STARD13: variants seen among roughly 807,000 people sequenced by gnomAD.
STARD13 encodes the protein StAR related lipid transfer domain containing 13, also known as stAR-related lipid transfer protein 13.
A neutral mutation model predicts 106.4 loss-of-function variants in STARD13; 62 were observed. That is an observed-to-expected ratio of 0.58 (90% CI 0.48 to 0.72). The LOEUF is 0.72. Ranked by LOEUF, STARD13 falls within the 30% of genes least tolerant of loss-of-function variation. STARD13 has a pLI of 0.00. For missense variants in STARD13, 1,387 were observed against 1,424.0 expected (o/e 0.97, Z 0.42); for synonymous variants, 565 against 553.0 (o/e 1.02, Z -0.31).
chr13:33,495,410 G>C, the STARD13 span, among the ~76,000 whole-genome samples: 1 of 152,092 alleles, frequency 6.6e-6, no homozygotes, highest in Non-Finnish European at 1.5e-5. Flanking sequence ...CTCTATACAT[G>C]GTACTATTCG....
chr13:33,403,885 C>T, the STARD13 span, among the ~76,000 whole-genome samples: 1 of 152,154 alleles, frequency 6.6e-6, no homozygotes, highest in African/African-American at 2.4e-5. Flanking sequence ...AAATCAATTG[C>T]AGTTCAGCAG....
the STARD13 span, among the ~76,000 whole-genome samples, chr13:33,603,807 G>A: frequency 6.6e-6 from 1 of 152,114 alleles, no homozygotes; most frequent in African/African-American, 2.4e-5. Flanking sequence ...AGACCTGTGT[G>A]TGCTGTGTGA....
chr13:33,669,526 T>A, the STARD13 span, among the ~76,000 whole-genome samples: 5 of 146,968 alleles, frequency 3.4e-5, no homozygotes, highest in Non-Finnish European at 7.4e-5. Context: ...AAGAAGAGGA[T>A]GTTCTTTTTT....
chr13:33,122,831 G>T (rs555151988), intron 7 of STARD13, among the ~76,000 whole-genome samples: 1 of 152,020 alleles, frequency 6.6e-6, no homozygotes, highest in Non-Finnish European at 1.5e-5. Context: ...GAGGCGGGTG[G>T]ATCACCTGAG....
intron 4 of STARD13, among the ~76,000 whole-genome samples, chr13:33,133,493 C>T (rs1878612123): frequency 6.6e-6 from 1 of 152,118 alleles, no homozygotes; most frequent in African/African-American, 2.4e-5. Context: ...TCTTTGGCAC[C>T]CTGTGCCTAC....
upstream of STARD13, among the ~76,000 whole-genome samples, chr13:33,286,952 T>C (rs2138420739): frequency 6.6e-6 from 1 of 152,204 alleles, no homozygotes; most frequent in Middle Eastern, 3.4e-3. Flanking sequence ...GTATATGTCA[T>C]TATAATTTTC....
chr13:33,557,762 C>T, the STARD13 span, among the ~76,000 whole-genome samples: 3 of 152,076 alleles, frequency 2.0e-5, no homozygotes, highest in African/African-American at 7.2e-5. Context: ...ATTTAGTAAG[C>T]CAAGGTATAA....
At chr13:33,198,897 A>G (rs1051891812) in intron 1 of STARD13, among the ~76,000 whole-genome samples, 2 of 152,234 alleles carry the variant, frequency 1.3e-5, no homozygotes, top group Non-Finnish European at 1.5e-5. Flanking sequence ...ATAATTTGTC[A>G]GTAACTACAT....
the STARD13 span, among the ~76,000 whole-genome samples, chr13:33,636,123 G>A: frequency 7.4e-6 from 1 of 135,520 alleles, no homozygotes; most frequent in South Asian, 2.4e-4. Context: ...CTGGGTGACA[G>A]AGCGAGACTC....
chr13:33,503,114 G>C, the STARD13 span, among the ~76,000 whole-genome samples: 2 of 152,122 alleles, frequency 1.3e-5, no homozygotes, highest in Non-Finnish European at 2.9e-5. Context: ...GCTTAGGAGG[G>C]TGTATGTGTC....
At chr13:33,397,948 G>T in the STARD13 span, among the ~76,000 whole-genome samples, 1 of 152,176 alleles carries the variant, frequency 6.6e-6, no homozygotes, top group East Asian at 1.9e-4. Context: ...CGACCCAAAG[G>T]TCGTATCTCC....
intron 1 of STARD13, among the ~76,000 whole-genome samples, chr13:33,341,532 A>T (rs2077960412): frequency 6.6e-6 from 1 of 150,874 alleles, no homozygotes; most frequent in African/African-American, 2.4e-5. Flanking sequence ...TGGAGGTTGC[A>T]GTGAGTCAAG....
At chr13:33,252,932 G>A (rs374674923) in intron 1 of STARD13, among the ~76,000 whole-genome samples, 7 of 152,288 alleles carry the variant, frequency 4.6e-5, no homozygotes, top group South Asian at 4.1e-4. Flanking sequence ...CCCACCAAGC[G>A]AGCTTCCCTA....
At chr13:33,315,706 C>G (rs568940812) in intron 1 of STARD13, among the ~76,000 whole-genome samples, 1 of 152,184 alleles carries the variant, frequency 6.6e-6, no homozygotes, top group South Asian at 2.1e-4. Flanking sequence ...GTTTAACTAC[C>G]TTTTAATTTT....
chr13:33,345,686 G>A (rs537275438), downstream of STARD13, among the ~76,000 whole-genome samples: 9 of 152,252 alleles, frequency 5.9e-5, no homozygotes, highest in East Asian at 1.5e-3. Context: ...AGCCCAATAA[G>A]AGCTCCCAAT....
At chr13:33,633,281 C>A in the STARD13 span, among the ~76,000 whole-genome samples, 1 of 152,126 alleles carries the variant, frequency 6.6e-6, no homozygotes, top group African/African-American at 2.4e-5. Context: ...TTTTATGGTA[C>A]ATAAATGGAA....
the STARD13 span, among the ~76,000 whole-genome samples, chr13:33,477,053 G>A: frequency 6.6e-6 from 1 of 152,134 alleles, no homozygotes; most frequent in Admixed American, 6.5e-5. Flanking sequence ...AATTAGTTCA[G>A]GTATTCCAAA....
chr13:33,199,862 G>A (rs141768606), intron 1 of STARD13, among the ~76,000 whole-genome samples: 2 of 152,332 alleles, frequency 1.3e-5, no homozygotes, highest in East Asian at 3.9e-4. Flanking sequence ...TATATGGCCA[G>A]TCATTGGCCG....
chr13:33,111,780 C>T lies in STARD13; in HGVS notation c.2605G>A (p.Glu869Lys), dbSNP rs1272980439. Residue 869 changes from glutamate to lysine, a missense_variant and splice_region_variant, in exon 10 of 14, where the codon GAG becomes AAG. Physicochemically the swap from Glu to Lys is moderately conservative, Grantham distance 56. Transcript: ENST00000336934. The part of the protein sequence containing the change: ...HMIMECDRLF[E>K]VPHELVAQSR... Reference sequence around the variant, plus strand: ...GGAGGTTCGAGCCTTTTGCTCACCTCAAAAAGTCTGTCGCATTCCATGATC... The same window carrying T: ...GGAGGTTCGAGCCTTTTGCTCACCTTAAAAAGTCTGTCGCATTCCATGATC... 6.2e-7 allele frequency: 1 copy of T among 1,612,524 alleles called. No homozygotes were observed. Among genetic ancestry groups the T allele is most frequent in the Non-Finnish European group, 8.5e-7 (1 of 1,178,554 alleles).
Sources: gnomAD v4.1 joint callset for allele counts (sites outside exome capture counted in the v4.1 genomes callset) on GRCh38, gnomAD v4.1.1 for gene constraint, MANE v1.5 for transcripts, NCBI Gene and HGNC (gene_info 2026-07-23, HGNC 2026-07-21) for gene names.